Variants in ANKS1B observed in about 807,000 individuals in gnomAD.
The protein encoded by ANKS1B is ankyrin repeat and sterile alpha motif domain containing 1B, also known as ankyrin repeat and sterile alpha motif domain-containing protein 1B.
Under a neutral mutation model 148.3 loss-of-function variants are expected in ANKS1B, and 36 were observed. The observed-to-expected ratio is 0.24, with a 90% CI of 0.19 to 0.32. The LOEUF (loss-of-function observed/expected upper bound fraction) is 0.32. Ranked by LOEUF, ANKS1B falls within the 10% of genes least tolerant of loss-of-function variation. The pLI is 1.00. For synonymous variants in ANKS1B, 542 were observed against 560.8 expected (o/e 0.97, Z 0.47); for missense variants, 1,157 against 1,542.6 (o/e 0.75, Z 4.19).
chr12:98,752,422 C>A (rs1012759814), intron 25 of ANKS1B, among the ~76,000 whole-genome samples: 7 of 151,986 alleles, frequency 4.6e-5, no homozygotes, highest in African/African-American at 1.7e-4. Context: ...CCACGCCCAG[C>A]TGATTTTTGT....
chr12:99,122,936 G>C (rs1469369584), intron 15 of ANKS1B, among the ~76,000 whole-genome samples: 1 of 149,978 alleles, frequency 6.7e-6, no homozygotes, highest in Non-Finnish European at 1.5e-5. Flanking sequence ...TTTATTGAAT[G>C]TCTGCCATGT....
intron 12 of ANKS1B, among the ~76,000 whole-genome samples, chr12:99,288,257 G>A (rs2079414298): frequency 6.6e-6 from 1 of 151,892 alleles, no homozygotes; most frequent in Non-Finnish European, 1.5e-5. Flanking sequence ...GGAGAGAGCG[G>A]CATGATATAT....
At chr12:99,854,148 A>C (rs2088554643) in intron 1 of ANKS1B, among the ~76,000 whole-genome samples, 1 of 152,156 alleles carries the variant, frequency 6.6e-6, no homozygotes, top group Non-Finnish European at 1.5e-5. Context: ...AGTAGCTGGG[A>C]CTACAGGTGC....
At chr12:99,600,184 G>A (rs900927714) in intron 9 of ANKS1B, among the ~76,000 whole-genome samples, 2 of 151,878 alleles carry the variant, frequency 1.3e-5, no homozygotes, top group South Asian at 2.1e-4. Flanking sequence ...ATTTACATGT[G>A]ATTATACATA....
At chr12:99,071,836 G>A (rs572637379) in intron 16 of ANKS1B, among the ~76,000 whole-genome samples, 106 of 152,018 alleles carry the variant, frequency 7.0e-4, no homozygotes, top group African/African-American at 2.1e-3. Context: ...TAGTAGAGAC[G>A]GGGTTTCAAC....
intron 8 of ANKS1B, among the ~76,000 whole-genome samples, chr12:99,678,118 G>A (rs574543706): frequency 2.8e-4 from 42 of 152,328 alleles, no homozygotes; most frequent in African/African-American, 9.6e-4. Flanking sequence ...AACCAAATAA[G>A]ATAGAACAAA....
At chr12:99,467,825 G>A (rs1159028463) in intron 10 of ANKS1B, among the ~76,000 whole-genome samples, 2 of 152,298 alleles carry the variant, frequency 1.3e-5, no homozygotes, top group South Asian at 2.1e-4. Flanking sequence ...CCATGCTCAT[G>A]GGTAGGAAGA....
rs989504436 is a variant in ANKS1B at position 99,009,429 on chromosome 12, A to G, written c.2778+43728T>C. On this transcript the variant is annotated intron_variant, in intron 17 of 26. Coordinates refer to ENST00000683438, the MANE Select transcript of ANKS1B (RefSeq NM_001352186.2). ...GGGCCATTGTGGGGAACTGATGCTG[A>G]GCTCTCGGTTCTATGCCCCCCAGAC... 2.2e-4 allele frequency among the ~76,000 whole-genome samples: 33 copies of G among 152,218 alleles called. 1 individual carries two copies. The highest frequency in any genetic ancestry group is 8.0e-4 in the African/African-American group (33 of 41,456).
At chr12:98,775,046 C>T (rs1463108486) in intron 24 of ANKS1B, among the ~76,000 whole-genome samples, 1 of 152,112 alleles carries the variant, frequency 6.6e-6, no homozygotes, top group African/African-American at 2.4e-5. Context: ...GAAAAAGGTG[C>T]AATGTGAGAT....
In ANKS1B at chr12:99,810,491, T is replaced by C. The variant is rs987319095; in HGVS notation, c.372+1664A>G. Among the ~76,000 whole-genome samples, 12 of 152,056 alleles carry C rather than the reference T, an allele frequency of 7.9e-5. No homozygotes were observed. The East Asian group carries it at 1.4e-3, about 17-fold the overall frequency. Reference sequence around the variant, plus strand: ...GAAATGGCATAGAATGGGAAAACTATGATCAGCATCAAAAGAGTATACATA... The same window carrying C: ...GAAATGGCATAGAATGGGAAAACTACGATCAGCATCAAAAGAGTATACATA... On this transcript the variant is annotated intron_variant, in intron 3 of 26. Transcript: ENST00000683438.
intron 15 of ANKS1B, among the ~76,000 whole-genome samples, chr12:99,086,437 C>T (rs1374849009): frequency 6.6e-6 from 1 of 152,112 alleles, no homozygotes; most frequent in African/African-American, 2.4e-5. Context: ...ACAGATATTG[C>T]ATGCCATGCT....
intron 12 of ANKS1B, among the ~76,000 whole-genome samples, chr12:99,319,240 G>T (rs1452232533): frequency 1.3e-5 from 2 of 152,252 alleles, no homozygotes; most frequent in Admixed American, 6.5e-5. Flanking sequence ...TTAACTTTCT[G>T]TCTTGTTGAT....
intron 1 of ANKS1B, among the ~76,000 whole-genome samples, chr12:99,924,291 C>T (rs1229310539): frequency 6.6e-6 from 1 of 151,016 alleles, no homozygotes; most frequent in East Asian, 1.9e-4. Context: ...TGGTGTATTA[C>T]AGATTAATTT....
At chr12:99,945,276 G>A (rs1195059983) in intron 1 of ANKS1B, among the ~76,000 whole-genome samples, 1 of 151,342 alleles carries the variant, frequency 6.6e-6, no homozygotes, top group Non-Finnish European at 1.5e-5. Flanking sequence ...GAGTGGAGCT[G>A]AGGAAGAATA....
chr12:99,826,486 T>A (rs1299265792), intron 1 of ANKS1B, among the ~76,000 whole-genome samples: 7 of 152,072 alleles, frequency 4.6e-5, no homozygotes, highest in Non-Finnish European at 7.4e-5. Flanking sequence ...CATGGATCAA[T>A]TGGAAGAAGG....
At chr12:99,478,472 AT>A (rs2096361484) in intron 10 of ANKS1B, among the ~76,000 whole-genome samples, 1 of 152,102 alleles carries the variant, frequency 6.6e-6, no homozygotes, top group South Asian at 2.1e-4. Context: ...AGTCACTCCC[AT>A]GTACATACAG....
intron 17 of ANKS1B, among the ~76,000 whole-genome samples, chr12:98,948,793 G>C (rs574263909): frequency 2.0e-3 from 291 of 148,752 alleles, no homozygotes; most frequent in Non-Finnish European, 3.6e-3. Context: ...ACACATGCTG[G>C]GATTTTTGGG....
chr12:99,342,827 TTTCTC>T (rs1204158271), intron 12 of ANKS1B, among the ~76,000 whole-genome samples: 1 of 149,688 alleles, frequency 6.7e-6, no homozygotes, highest in Non-Finnish European at 1.5e-5. Context: ...AGATTAGTTT[TTTCTC>T]TTCTTCTTTA....
At chr12:99,721,752 T>G (rs185370764) in intron 8 of ANKS1B, among the ~76,000 whole-genome samples, 2 of 152,252 alleles carry the variant, frequency 1.3e-5, no homozygotes, top group South Asian at 4.1e-4. Context: ...TGGTGAAGTA[T>G]GTATGTCAAA....
Sources: allele counts gnomAD v4.1 joint callset (sites outside exome capture counted in the v4.1 genomes callset), GRCh38; gene constraint gnomAD v4.1.1; transcripts MANE v1.5; gene names NCBI Gene and HGNC (gene_info 2026-07-23, HGNC 2026-07-21).